KLHL1: variants seen among roughly 807,000 people sequenced by gnomAD.
KLHL1 encodes the protein kelch like family member 1.
KLHL1 carries 47 observed loss-of-function variants against 77.7 expected under a neutral mutation model. The ratio of observed to expected loss-of-function variants is 0.60; its 90% CI spans 0.48 to 0.77. The LOEUF is 0.77. Among genes scored for constraint, KLHL1 ranks in the 30% least tolerant of loss-of-function variants. The pLI is 0.00. For synonymous variants in KLHL1, 360 were observed against 325.2 expected, an observed-to-expected ratio of 1.11 and a Z score of -1.15; for missense variants, 925 against 910.8, an observed-to-expected ratio of 1.02 and a Z score of -0.20.
chr13:69,838,067 G>T (rs1260071962), intron 6 of KLHL1, among the ~76,000 whole-genome samples: 1 of 151,536 alleles, frequency 6.6e-6, no homozygotes, highest in East Asian at 1.9e-4. Context: ...CCTTTTGACA[G>T]ACAACAAATG....
chr13:69,842,429 GTA>G (rs1879303191), intron 5 of KLHL1, among the ~76,000 whole-genome samples: 2 of 151,674 alleles, frequency 1.3e-5, no homozygotes, highest in Admixed American at 6.6e-5. Flanking sequence ...GGCCCAACAG[GTA>G]TATGCTAAAA....
intron 6 of KLHL1, among the ~76,000 whole-genome samples, chr13:69,814,497 GC>G (rs1177994737): frequency 6.6e-6 from 1 of 151,984 alleles, no homozygotes; most frequent in Admixed American, 6.6e-5. Context: ...TGCAAACTAT[GC>G]CTCTGACAAA....
chr13:70,100,238 C>A (rs1887892869), intron 1 of KLHL1, among the ~76,000 whole-genome samples: 1 of 151,766 alleles, frequency 6.6e-6, no homozygotes, highest in Non-Finnish European at 1.5e-5. Context: ...GTGTATGAGT[C>A]TTTCACATCT....
intron 5 of KLHL1, among the ~76,000 whole-genome samples, chr13:69,867,236 T>C (rs555676035): frequency 2.6e-5 from 4 of 152,248 alleles, no homozygotes; most frequent in African/African-American, 4.8e-5. Context: ...AAATAATATG[T>C]ACTTTTAAAT....
intron 7 of KLHL1, among the ~76,000 whole-genome samples, chr13:69,795,869 C>T (rs773752602): frequency 1.3e-5 from 2 of 152,148 alleles, no homozygotes; most frequent in African/African-American, 2.4e-5. Context: ...TTTCTCTAAA[C>T]GTTTATTGTC....
chr13:69,825,360 G>A (rs1253399455), intron 6 of KLHL1, among the ~76,000 whole-genome samples: 2 of 151,978 alleles, frequency 1.3e-5, no homozygotes, highest in African/African-American at 4.8e-5. Context: ...GTGGTGAGTG[G>A]TAAAATATGA....
Position 69,701,756 on chromosome 13 carries a change from A to G in KLHL1, c.2193T>C (p.Ala731=). Residue 731 remains alanine, a synonymous_variant, in exon 11 of 11, where the codon GCT becomes GCC. Coordinates refer to ENST00000377844, the MANE Select transcript of KLHL1 (RefSeq NM_020866.3). ...DPQTNEWTQM[A]SLNIGRAGAC... ...CACCTGCTCTCCCAATATTCAAGGA[A>G]GCCATCTGTTAAAAAAGATGAAACA... 6.2e-7 allele frequency: 1 copy of G among 1,605,704 alleles called. No homozygotes were observed. The highest frequency in any genetic ancestry group is 1.1e-5 in the South Asian group (1 of 89,678).
Position 69,870,336 on chromosome 13 carries a change from T to C in KLHL1, c.1227+11947A>G, listed in dbSNP as rs577716457. On this transcript the variant is annotated intron_variant, in intron 5 of 10. Coordinates refer to ENST00000377844, the MANE Select transcript of KLHL1 (RefSeq NM_020866.3). Reference sequence around the variant, plus strand: ...AACTAATAGAGCAATAACTCACTCATTACCATGAGGACAGCACCCAGACAT... The same window carrying C: ...AACTAATAGAGCAATAACTCACTCACTACCATGAGGACAGCACCCAGACAT... 4.6e-5 allele frequency among the ~76,000 whole-genome samples: 7 copies of C among 152,116 alleles called. No homozygotes were observed. In the East Asian group the frequency reaches 1.4e-3, roughly 30 times the overall value.
chr13:69,934,276 G>A (rs967882976), intron 4 of KLHL1, among the ~76,000 whole-genome samples: 17 of 152,066 alleles, frequency 1.1e-4, no homozygotes, highest in East Asian at 3.9e-4. Context: ...AGAAGGTAGC[G>A]TTACCTCACT....
intron 1 of KLHL1, among the ~76,000 whole-genome samples, chr13:70,079,058 G>T (rs1478311227): frequency 6.6e-6 from 1 of 152,116 alleles, no homozygotes; most frequent in Non-Finnish European, 1.5e-5. Flanking sequence ...AACATGGAGT[G>T]CTTCAGAGTA....
intron 8 of KLHL1, among the ~76,000 whole-genome samples, chr13:69,729,381 T>C (rs748733634): frequency 1.3e-5 from 2 of 152,170 alleles, no homozygotes; most frequent in Non-Finnish European, 2.9e-5. Context: ...AATAGTGTCA[T>C]GAATAACCTA....
intron 3 of KLHL1, among the ~76,000 whole-genome samples, chr13:69,944,367 G>A (rs1883452358): frequency 6.6e-6 from 1 of 152,194 alleles, no homozygotes; most frequent in African/African-American, 2.4e-5. Flanking sequence ...GGAACCCTTG[G>A]AAGTCTGTAC....
intron 7 of KLHL1, among the ~76,000 whole-genome samples, chr13:69,770,642 A>G (rs78554593): frequency 6.6e-6 from 1 of 152,204 alleles, no homozygotes; most frequent in Non-Finnish European, 1.5e-5. Flanking sequence ...CTAAGACATT[A>G]ATCTTTCTAT....
At chr13:69,799,625 T>G (rs1877286230) in intron 6 of KLHL1, among the ~76,000 whole-genome samples, 1 of 152,202 alleles carries the variant, frequency 6.6e-6, no homozygotes, top group Non-Finnish European at 1.5e-5. Context: ...TATTTCCAAT[T>G]TAGTGACAAA....
At chr13:69,864,127 A>C (rs1004526595) in intron 5 of KLHL1, among the ~76,000 whole-genome samples, 2 of 151,962 alleles carry the variant, frequency 1.3e-5, no homozygotes, top group African/African-American at 2.4e-5. Context: ...TATAGCATCT[A>C]TCTCTTACTC....
intron 4 of KLHL1, among the ~76,000 whole-genome samples, chr13:69,910,400 T>A (rs1386292129): frequency 2.0e-5 from 3 of 152,126 alleles, no homozygotes; most frequent in Non-Finnish European, 4.4e-5. Context: ...TTGACTGATG[T>A]ATTAGTAAAT....
intron 7 of KLHL1, among the ~76,000 whole-genome samples, chr13:69,769,850 G>T (rs1458000635): frequency 6.6e-6 from 1 of 152,074 alleles, no homozygotes; most frequent in African/African-American, 2.4e-5. Flanking sequence ...CATGGGACAA[G>T]AACCCAGAAC....
chr13:69,931,379 G>T (rs1882999648), intron 4 of KLHL1, among the ~76,000 whole-genome samples: 1 of 151,690 alleles, frequency 6.6e-6, no homozygotes, highest in Admixed American at 6.6e-5. Context: ...TTTTAATTGA[G>T]CTGAAGTTTC....
intron 4 of KLHL1, among the ~76,000 whole-genome samples, chr13:69,920,577 G>A (rs1882599907): frequency 6.6e-6 from 1 of 151,910 alleles, no homozygotes; most frequent in Non-Finnish European, 1.5e-5. Context: ...TGTATAAATG[G>A]GCTTTTTTGA....
Sources: allele counts gnomAD v4.1 joint callset (sites outside exome capture counted in the v4.1 genomes callset), GRCh38; gene constraint gnomAD v4.1.1; transcripts MANE v1.5; gene names NCBI Gene and HGNC (gene_info 2026-07-23, HGNC 2026-07-21).